CAPG: variants seen among roughly 807,000 people sequenced by gnomAD.
CAPG encodes the protein macrophage-capping protein.
A neutral mutation model predicts 44.6 loss-of-function variants in CAPG; 32 were observed. That is an observed-to-expected ratio of 0.72 (90% confidence interval 0.54 to 0.96). The LOEUF is 0.96. CAPG is among the 50% of genes least tolerant of loss of function. The pLI is 0.00. For synonymous variants in CAPG, 175 were observed against 179.6 expected, an observed-to-expected ratio of 0.97 and a Z score of 0.20; for missense variants, 412 against 438.3, an observed-to-expected ratio of 0.94 and a Z score of 0.54.
At chr2:85,412,544 G>A (rs1243119832), upstream of CAPG, among the ~76,000 whole-genome samples, 1 of 151,974 alleles carries the variant, frequency 6.6e-6, no homozygotes, top group East Asian at 1.9e-4. Context: ...TAATAATAGG[G>A]TAGTTTGGTG....
At chr2:85,415,794 C>T (rs1014475772) in intron 1 of CAPG, among the ~76,000 whole-genome samples, 3 of 152,146 alleles carry the variant, frequency 2.0e-5, no homozygotes. Context: ...GAACAGAAGC[C>T]CCAGTCCTCC....
At chr2:85,409,738 AACC>A (rs1393383625) in intron 1 of CAPG, 2 of 152,218 alleles carry the variant, frequency 1.3e-5, no homozygotes, top group Non-Finnish European at 2.9e-5. Flanking sequence ...CCCCAGGGTC[AACC>A]ACTTCCTCCC....
At chr2:85,396,026 G>T (rs796321023) in intron 8 of CAPG, 8 of 187,140 alleles carry the variant, frequency 4.3e-5, no homozygotes, top group African/African-American at 1.9e-4. Flanking sequence ...TAAGACAAAG[G>T]GTACAATTTA....
Position 85,401,552 on chromosome 2 carries a change from A to C in CAPG, c.328T>G (p.Phe110Val). The C allele has an allele frequency of 6.2e-7, 1 of 1,614,162 alleles. No individual in the cohort carries two copies. The highest frequency in any genetic ancestry group is 8.5e-7 in the Non-Finnish European group (1 of 1,180,006). ...GNESDLFMSYFPRGLKYQEGG... is the reference protein window; with the variant it reads ...GNESDLFMSYVPRGLKYQEGG... ...ACCTGGTACTTGAGGCCCCGTGGGA[A>C]GTAGCTCATGAAGAGGTCAGACTCA... is the stretch of plus-strand genomic sequence containing the variant. Residue 110 changes from phenylalanine (F) to valine (V), a missense_variant, in exon 4 of 10, where the codon TTC (phenylalanine) becomes GTC (valine). Coordinates refer to ENST00000263867, the MANE Select transcript of CAPG (RefSeq NM_001747.4).
At chr2:85,405,358 A>C (rs1026664130) in intron 1 of CAPG, among the ~76,000 whole-genome samples, 5 of 152,234 alleles carry the variant, frequency 3.3e-5, no homozygotes, top group Admixed American at 6.5e-5. Context: ...CAGAGCCAGC[A>C]TGCACTTCGT....
chr2:85,401,270 C>T lies in CAPG; in HGVS notation c.411G>A (p.Lys137=), dbSNP rs1686872089. 6.2e-7 allele frequency: 1 copy of T among 1,614,074 alleles called. No homozygotes were observed. Among genetic ancestry groups the T allele is most frequent in the Non-Finnish European group, 8.5e-7 (1 of 1,180,038 alleles). The part of the protein sequence containing the change: ...KTSTGAPAAI[K]KLYQVKGKKN... The stretch of plus-strand genomic sequence containing the variant: ...TCTTCCCCTTCACCTGGTAGAGTTT[C>T]TTGATGGCAGCTGGGGCTCCTGTGG... The change falls in exon 5 of 10, where the codon AAG becomes AAA. Residue 137 remains lysine, a synonymous_variant. Transcript: ENST00000263867.
intron 1 of CAPG, among the ~76,000 whole-genome samples, chr2:85,402,527 T>C (rs1407333838): frequency 6.6e-6 from 1 of 150,938 alleles, no homozygotes; most frequent in Non-Finnish European, 1.5e-5. Flanking sequence ...AGTGCAGTGG[T>C]GCGATCTCGC....
rs943558126 is a variant in CAPG at position 85,395,521 on chromosome 2, T to C, written c.981+17A>G. 3.7e-6 allele frequency: 6 copies of C among 1,607,118 alleles called. No individual in the cohort carries two copies. In the Admixed American group the frequency reaches 5.0e-5, roughly 13 times the overall value. ...AGAGCCCTAGGAAGAGGGCTGTGGT[T>C]GTGCGCATCTCCTCACCTGAGTGTT... is the stretch of plus-strand genomic sequence containing the variant. On this transcript the variant is annotated intron_variant, in intron 9 of 9. Coordinates refer to ENST00000263867, the MANE Select transcript of CAPG (RefSeq NM_001747.4). This position sits in a 1 kb window ranked among gnomAD's most constrained non-coding sequence, Gnocchi z 4.3.
In CAPG at chr2:85,395,540, G is replaced by C. The variant is rs779509921; in HGVS notation, c.979C>G (p.Gln327Glu). 1.9e-6 allele frequency: 3 copies of C among 1,612,842 alleles called. No individual in the cohort carries two copies. Among genetic ancestry groups the C allele is most frequent in the Non-Finnish European group, 2.5e-6 (3 of 1,179,156 alleles). ...ISRMQYAPNTQVEILPQGHES... is the reference protein window; with the variant it reads ...ISRMQYAPNTEVEILPQGHES... ...TGTGGTTGTGCGCATCTCCTCACCT[G>C]AGTGTTCGGGGCGTACTGCATGCGC... Residue 327 changes from glutamine (Q) to glutamate (E), a missense_variant and splice_region_variant, in exon 9 of 10, where the codon CAG becomes GAG. Transcript: ENST00000263867. The surrounding 1 kb of genome is among the most constrained non-coding windows in gnomAD (Gnocchi z 4.3).
intron 6 of CAPG, 31 bp from the exon 7 acceptor site, chr2:85,398,813 G>A: frequency 6.6e-7 from 1 of 1,510,676 alleles, no homozygotes. Flanking sequence ...CAGGTTTATA[G>A]GGACCCCTGC....
At chr2:85,406,763 C>A (rs1248767583) in intron 1 of CAPG, among the ~76,000 whole-genome samples, 1 of 151,380 alleles carries the variant, frequency 6.6e-6, no homozygotes, top group East Asian at 2.0e-4. Context: ...GAGGCTGAGG[C>A]AGGAGAATCA....
At chr2:85,402,331 C>A (rs1217816633) in intron 1 of CAPG, among the ~76,000 whole-genome samples, 173 bp from the exon 2 acceptor site, 2 of 152,130 alleles carry the variant, frequency 1.3e-5, no homozygotes, top group East Asian at 3.9e-4. Context: ...AGAAATGAGT[C>A]CAAGGCCACA....
chr2:85,406,472 G>A (rs1207702221), intron 1 of CAPG, among the ~76,000 whole-genome samples: 2 of 152,204 alleles, frequency 1.3e-5, no homozygotes, highest in Middle Eastern at 3.4e-3. Context: ...ATATCTGGTC[G>A]ATCTGATAAT....
chr2:85,408,941 C>G (rs1327091653), intron 1 of CAPG: 5 of 152,258 alleles, frequency 3.3e-5, no homozygotes, highest in African/African-American at 9.7e-5. Context: ...TCTATAGCAT[C>G]CCTTACCATC....
Position 85,395,462 on chromosome 2 carries a change from T to C in CAPG, c.981+76A>G. On this transcript the variant is annotated intron_variant, in intron 9 of 9. Coordinates refer to ENST00000263867, the MANE Select transcript of CAPG (RefSeq NM_001747.4). The surrounding 1 kb of genome is among the most constrained non-coding windows in gnomAD (Gnocchi z 4.3). Reference sequence around the variant, plus strand: ...ACAGTGCCCAAGGCTCTCCTGCCCTTCCTGGCCAATTTGAGGGGTCAGGGG... The same window carrying C: ...ACAGTGCCCAAGGCTCTCCTGCCCTCCCTGGCCAATTTGAGGGGTCAGGGG... The C allele has an allele frequency of 8.0e-7, 1 of 1,243,624 alleles. No individual in the cohort carries two copies. Among genetic ancestry groups the C allele is most frequent in the Non-Finnish European group, 1.2e-6 (1 of 862,590 alleles). 77.0% of individuals were successfully genotyped at this position (1,243,624 alleles called of 1,614,324 possible).
intron 1 of CAPG, among the ~76,000 whole-genome samples, chr2:85,416,554 C>T (rs1211465769): frequency 6.6e-6 from 1 of 152,138 alleles, no homozygotes; most frequent in Non-Finnish European, 1.5e-5. Context: ...TCTTGTCGCC[C>T]AAGCTGGAGT....
chr2:85,416,296 G>A (rs1258035986), intron 1 of CAPG, among the ~76,000 whole-genome samples: 4 of 152,100 alleles, frequency 2.6e-5, no homozygotes, highest in East Asian at 1.9e-4. Flanking sequence ...GCAAGTTCTC[G>A]ACCTGTCTTC....
At chr2:85,416,809 G>A (rs924490161) in intron 1 of CAPG, among the ~76,000 whole-genome samples, 19 of 152,016 alleles carry the variant, frequency 1.2e-4, no homozygotes, top group African/African-American at 3.9e-4. Context: ...CCACCTCACC[G>A]GCCCCAAATA....
chr2:85,398,116 C>T lies in CAPG; in HGVS notation c.796G>A (p.Val266Met), dbSNP rs1686692169. The change falls in exon 8 of 10, where the codon GTG becomes ATG. Residue 266 changes from valine to methionine, a missense_variant. By Grantham distance (21) the Val-to-Met change is conservative (BLOSUM62 1). Transcript: ENST00000263867. ...AGGGCAAATGGGCTGGAGTCAGCCA[C>T]CTTGGTCAGGTTCATCTGTCCAGTG... ...DATGQMNLTK[V>M]ADSSPFALEL... The T allele has an allele frequency of 1.2e-6, 2 of 1,614,050 alleles. No individual in the cohort carries two copies. The highest frequency in any genetic ancestry group is 4.5e-5 in the East Asian group (2 of 44,874).
Sources: gnomAD v4.1 joint callset for allele counts (sites outside exome capture counted in the v4.1 genomes callset) on GRCh38, gnomAD v4.1.1 for gene constraint, Gnocchi (gnomAD v3.1) non-coding constraint, MANE v1.5 for transcripts, NCBI Gene and HGNC (gene_info 2026-07-23, HGNC 2026-07-21) for gene names.